CRABP1: variants seen among roughly 807,000 people sequenced by gnomAD.
The protein encoded by CRABP1 is cellular retinoic acid binding protein 1, also known as cellular retinoic acid-binding protein 1.
Under a neutral mutation model 16.4 loss-of-function variants are expected in CRABP1, and 9 were observed. The ratio of observed to expected loss-of-function variants is 0.55; its 90% CI spans 0.33 to 0.96. CRABP1 has a LOEUF of 0.96. Ranked by LOEUF, CRABP1 falls within the 40% of genes least tolerant of loss-of-function variation. The pLI, the probability that CRABP1 is intolerant of heterozygous loss-of-function variation, is 0.03. For synonymous variants in CRABP1, 72 were observed against 70.4 expected, an observed-to-expected ratio of 1.02 and a Z score of -0.11; for missense variants, 157 against 186.0, an observed-to-expected ratio of 0.84 and a Z score of 0.91.
Position 78,341,319 on chromosome 15 carries a change from G to A in CRABP1, c.249+98G>A, listed in dbSNP as rs772518417. The A allele has an allele frequency of 6.4e-6, 9 of 1,414,388 alleles. No homozygotes were observed. The Admixed American group carries it at 1.4e-4, about 22-fold the overall frequency. The allele number at this position is 1,414,388 out of a possible 1,614,324, so 87.6% of individuals were successfully genotyped here. A position where few individuals can be genotyped will look rare whatever the true frequency, so the allele number is the denominator to read the frequency against. ...CCTGTGTCTCCCTTTGCAGCCTGTG[G>A]CGCGCCTTCCTTGCAGGGTGTGTAC... is the stretch of plus-strand genomic sequence containing the variant. On this transcript the variant is annotated intron_variant, in intron 2 of 3. Coordinates refer to ENST00000299529, the MANE Select transcript of CRABP1 (RefSeq NM_004378.3). The surrounding 1 kb of genome is among the most constrained non-coding windows in gnomAD (Gnocchi z 5.3).
intron 3 of CRABP1, among the ~76,000 whole-genome samples, chr15:78,346,076 T>C (rs943940518): frequency 3.9e-5 from 6 of 152,332 alleles, no homozygotes; most frequent in Non-Finnish European, 7.3e-5. Flanking sequence ...ATGAAGCTAT[T>C]TGTTAGCTGG....
In CRABP1 at chr15:78,341,649, TG is replaced by T; in HGVS notation, c.249+431del. The T allele has an allele frequency of 3.4e-6, 1 of 298,330 alleles. No homozygotes were observed. The highest frequency in any genetic ancestry group is 8.9e-5 in the East Asian group (1 of 11,192). 18.5% of individuals were successfully genotyped at this position (298,330 alleles called of 1,614,324 possible). On this transcript the variant is annotated intron_variant, in intron 2 of 3. Transcript: ENST00000299529. This position sits in a 1 kb window ranked among gnomAD's most constrained non-coding sequence, Gnocchi z 5.3. ...TATCCCCCGCGCCCGCCCGGGTCCC[TG>T]GGCCGCCTGGGTACGCTCTGGATAC...
At chr15:78,346,379 G>T (rs1044805867) in intron 3 of CRABP1, among the ~76,000 whole-genome samples, 5 of 152,152 alleles carry the variant, frequency 3.3e-5, no homozygotes, top group Non-Finnish European at 5.9e-5. Context: ...AGCATGAAAA[G>T]CTAGTGGCTG....
rs1289593499 is a variant in CRABP1, at chr15:78,341,076, C to T, written c.104C>T (p.Ala35Val). The T allele has an allele frequency of 1.9e-6, 3 of 1,610,538 alleles. No homozygotes were observed. Among genetic ancestry groups the T allele is most frequent in the East Asian group, 2.2e-5 (1 of 44,856 alleles). Residue 35 changes from alanine to valine, a missense_variant, in exon 2 of 4, where the codon GCG (alanine) becomes GTG (valine). Coordinates refer to ENST00000299529, the MANE Select transcript of CRABP1 (RefSeq NM_004378.3). This position sits in a 1 kb window ranked among gnomAD's most constrained non-coding sequence, Gnocchi z 5.3. ...GCCATGCTGAGGAAAGTGGCCGTAG[C>T]GGCTGCGTCCAAGCCGCACGTGGAG... ...VNAMLRKVAV[A>V]AASKPHVEIR...
At position 78,341,476 on chromosome 15, in the gene CRABP1, G is replaced by A. The variant is rs2050234503; in HGVS notation, c.249+255G>A. ...GCTAACAGCCGCGCTTAAAGAGCGG[G>A]CTCTGGGTTGCGCCGCGTTCCCAGC... On this transcript the variant is annotated intron_variant, in intron 2 of 3. Coordinates refer to ENST00000299529, the MANE Select transcript of CRABP1 (RefSeq NM_004378.3). The surrounding 1 kb of genome is among the most constrained non-coding windows in gnomAD (Gnocchi z 5.3). The A allele has an allele frequency of 1.2e-5, 6 of 481,992 alleles. No individual in the cohort carries two copies. The highest frequency in any genetic ancestry group is 1.0e-4 in the South Asian group (5 of 48,628). The allele number at this position is 481,992 out of a possible 1,614,324, so 29.9% of individuals were successfully genotyped here. A position where few individuals can be genotyped will look rare whatever the true frequency, so the allele number is the denominator to read the frequency against.
Position 78,340,397 on chromosome 15 carries a change from TG to T in CRABP1, c.-31del, listed in dbSNP as rs746123318. On this transcript the variant is annotated 5_prime_UTR_variant, in exon 1 of 4. Coordinates refer to ENST00000299529, the MANE Select transcript of CRABP1 (RefSeq NM_004378.3). Reference sequence around the variant, plus strand: ...CAGAGTGTGCCCGCTGCGCCGCCGCTGTCCGTACCTGCCGCCGCCGCCACCG... The same window carrying T: ...CAGAGTGTGCCCGCTGCGCCGCCGCTTCCGTACCTGCCGCCGCCGCCACCG... 1.4e-5 allele frequency: 22 copies of T among 1,569,958 alleles called. No homozygotes were observed. The highest frequency in any genetic ancestry group is 1.9e-5 in the Non-Finnish European group (22 of 1,158,862).
At chr15:78,340,623 G>A in intron 1 of CRABP1, 125 bp downstream of exon 1, 8 of 1,060,898 alleles carry the variant, frequency 7.5e-6, no homozygotes, top group Non-Finnish European at 1.1e-5. Flanking sequence ...AGTCCCCGGG[G>A]CAATAGATCG....
In CRABP1 at chr15:78,340,402, G is replaced by C; in HGVS notation, c.-27G>C. On this transcript the variant is annotated 5_prime_UTR_variant, in exon 1 of 4. Coordinates refer to ENST00000299529, the MANE Select transcript of CRABP1 (RefSeq NM_004378.3). ...TGTGCCCGCTGCGCCGCCGCTGTCC[G>C]TACCTGCCGCCGCCGCCACCGCCAC... 6.4e-7 allele frequency: 1 copy of C among 1,573,432 alleles called. No individual in the cohort carries two copies. Among genetic ancestry groups the C allele is most frequent in the Non-Finnish European group, 8.6e-7 (1 of 1,160,962 alleles).
In CRABP1 at chr15:78,348,185, G is replaced by A; in HGVS notation, c.*208G>A. ...CCTAGTGCTCCATAGTTTGGCATTT[G>A]CACGGTTTCGAAGTCATTAAACTGG... On this transcript the variant is annotated 3_prime_UTR_variant, in exon 4 of 4. Coordinates refer to ENST00000299529, the MANE Select transcript of CRABP1 (RefSeq NM_004378.3). 1.7e-6 allele frequency: 1 copy of A among 575,500 alleles called. No individual in the cohort carries two copies. The highest frequency in any genetic ancestry group is 3.1e-6 in the Non-Finnish European group (1 of 327,672). The allele number at this position is 575,500 out of a possible 1,614,324, so 35.6% of individuals were successfully genotyped here. A position where few individuals can be genotyped will look rare whatever the true frequency, so the allele number is the denominator to read the frequency against.
At chr15:78,344,699 C>A (rs541526119) in intron 3 of CRABP1, among the ~76,000 whole-genome samples, 1 of 150,724 alleles carries the variant, frequency 6.6e-6, no homozygotes, top group East Asian at 2.0e-4. Flanking sequence ...GGAGGCTGAG[C>A]CCAGGAGTTT....
intron 2 of CRABP1, among the ~76,000 whole-genome samples, chr15:78,342,553 G>A (rs185998994): frequency 4.1e-4 from 62 of 152,180 alleles, no homozygotes; most frequent in African/African-American, 1.4e-3. Flanking sequence ...GCTTTGTGCA[G>A]ACACTGGGGA....
chr15:78,343,659 G>C (rs768254600), intron 3 of CRABP1, 47 bp downstream of exon 3: 17 of 1,540,036 alleles, frequency 1.1e-5, no homozygotes, highest in Non-Finnish European at 1.4e-5. Flanking sequence ...CCCCCAGAGG[G>C]GGCCCCAGAT....
rs560196017 is a variant in CRABP1, at chr15:78,342,876, T to G, written c.250-623T>G. Reference sequence around the variant, plus strand: ...CTTGTGGTTCTGATGTGAAGGTTCTTGCTTTTAAAATCCAAATTATGTTCA... The same window carrying G: ...CTTGTGGTTCTGATGTGAAGGTTCTGGCTTTTAAAATCCAAATTATGTTCA... On this transcript the variant is annotated intron_variant, in intron 2 of 3. Coordinates refer to ENST00000299529, the MANE Select transcript of CRABP1 (RefSeq NM_004378.3). Among the ~76,000 whole-genome samples the G allele has an allele frequency of 2.6e-3, 393 of 152,324 alleles. 3 individuals are homozygous for G. Among genetic ancestry groups the G allele is most frequent in the South Asian group, 0.018 (87 of 4,822 alleles).
At chr15:78,344,511 C>T (rs1397264696) in intron 3 of CRABP1, among the ~76,000 whole-genome samples, 3 of 151,758 alleles carry the variant, frequency 2.0e-5, no homozygotes, top group Non-Finnish European at 4.4e-5. Flanking sequence ...CCTAGCCAAA[C>T]AAAACTTACC....
chr15:78,345,862 G>C (rs1008050975), intron 3 of CRABP1, among the ~76,000 whole-genome samples: 3 of 152,186 alleles, frequency 2.0e-5, no homozygotes, highest in African/African-American at 7.2e-5. Flanking sequence ...AATTATTCTA[G>C]TTAAGTTGAA....
Position 78,343,520 on chromosome 15 carries a change from G to A in CRABP1, c.271G>A (p.Glu91Lys), listed in dbSNP as rs1042713775. The A allele has an allele frequency of 6.2e-7, 1 of 1,614,126 alleles. No individual in the cohort carries two copies. The highest frequency in any genetic ancestry group is 8.5e-7 in the Non-Finnish European group (1 of 1,180,000). ...KCRSLATWEN[E>K]NKIHCTQTLL... is the part of the protein sequence containing the mutation. Reference sequence around the variant, plus strand: ...GCAGAGTTTAGCCACTTGGGAGAATGAGAACAAGATCCACTGCACGCAAAC... The same window carrying A: ...GCAGAGTTTAGCCACTTGGGAGAATAAGAACAAGATCCACTGCACGCAAAC... The change falls in exon 3 of 4, where the codon GAG (glutamate) becomes AAG (lysine). Residue 91 changes from glutamate to lysine, a missense_variant. By Grantham distance (56) the Glu-to-Lys change is moderately conservative. Transcript: ENST00000299529.
chr15:78,345,792 GGTT>G (rs1567139630), intron 3 of CRABP1, among the ~76,000 whole-genome samples: 1 of 152,118 alleles, frequency 6.6e-6, no homozygotes, highest in South Asian at 2.1e-4. Flanking sequence ...TTGTTTCAAG[GGTT>G]ATTATCATTA....
At chr15:78,343,105 A>T (rs2050244003) in intron 2 of CRABP1, among the ~76,000 whole-genome samples, 1 of 151,778 alleles carries the variant, frequency 6.6e-6, no homozygotes, top group Non-Finnish European at 1.5e-5. Flanking sequence ...ACAGAGCGAG[A>T]CTCCATCTCA....
intron 1 of CRABP1, 162 bp downstream of exon 1, chr15:78,340,660 CGGAGAAGCT>C: frequency 1.2e-6 from 1 of 804,826 alleles, no homozygotes; most frequent in Non-Finnish European, 1.9e-6. Context: ...CACCGGGTCT[CGGAGAAGCT>C]GGTAGAGATC....
Sources: allele counts gnomAD v4.1 joint callset (sites outside exome capture counted in the v4.1 genomes callset), GRCh38; gene constraint gnomAD v4.1.1; non-coding constraint Gnocchi (gnomAD v3.1); transcripts MANE v1.5; gene names NCBI Gene and HGNC (gene_info 2026-07-23, HGNC 2026-07-21).